Variants in SPATA18 observed in about 807,000 individuals in gnomAD.
The protein encoded by SPATA18 is mitochondria-eating protein.
In SPATA18, 54 loss-of-function variants were observed where a neutral mutation model predicts 68.1. That is an observed-to-expected ratio of 0.79 (90% confidence interval 0.64 to 0.99). The LOEUF is 0.99. SPATA18 is among the 50% of genes least tolerant of loss of function. The probability of loss-of-function intolerance (pLI) is 0.00; values close to 1 mark genes in which losing one functional copy is unlikely to be tolerated. For missense variants in SPATA18, 724 were observed against 681.1 expected (o/e 1.06, Z -0.70); for synonymous variants, 242 against 244.8 (o/e 0.99, Z 0.11).
intron 1 of SPATA18, among the ~76,000 whole-genome samples, chr4:52,053,294 T>C (rs903691634): frequency 2.6e-5 from 4 of 152,240 alleles, no homozygotes; most frequent in Admixed American, 2.6e-4. Context: ...TTCTCTGCTC[T>C]CATTAAAACC....
chr4:52,087,174 G>T (rs1414273753), intron 11 of SPATA18, among the ~76,000 whole-genome samples: 1 of 152,108 alleles, frequency 6.6e-6, no homozygotes, highest in East Asian at 1.9e-4. Flanking sequence ...TTAGCCCTTT[G>T]TCAGATGGAG....
rs1740388548 is a variant in SPATA18 at position 52,076,786 on chromosome 4, A to G, written c.766A>G (p.Arg256Gly). The change falls in exon 7 of 13, where the codon AGG (arginine) becomes GGG (glycine). Residue 256 changes from arginine to glycine, a missense_variant. Coordinates refer to ENST00000295213, the MANE Select transcript of SPATA18 (RefSeq NM_145263.4). Reference protein sequence around the residue: ...EKSALQGRSSRSRSPSPAPRS... With the variant: ...EKSALQGRSSGSRSPSPAPRS... ...ATTCTCGCTCACCAACAGGTCCTCC[A>G]GGAGCCGGTCTCCCAGCCCTGCCCC... The G allele has an allele frequency of 6.2e-7, 1 of 1,613,460 alleles. No individual in the cohort carries two copies.
intron 6 of SPATA18, among the ~76,000 whole-genome samples, chr4:52,074,716 C>T (rs1740171736): frequency 6.6e-6 from 1 of 152,120 alleles, no homozygotes; most frequent in African/African-American, 2.4e-5. Flanking sequence ...ACCATTATAA[C>T]AGGGTGTACA....
At chr4:52,091,903 T>G (rs1426949437) in intron 11 of SPATA18, among the ~76,000 whole-genome samples, 1 of 152,168 alleles carries the variant, frequency 6.6e-6, no homozygotes, top group African/African-American at 2.4e-5. Flanking sequence ...AGAGATGCCC[T>G]GTCCAAAGAG....
intron 11 of SPATA18, among the ~76,000 whole-genome samples, chr4:52,090,728 T>C (rs908844692): frequency 6.6e-6 from 1 of 152,190 alleles, no homozygotes; most frequent in Non-Finnish European, 1.5e-5. Flanking sequence ...ATTTTTTCTT[T>C]CATTTCAACC....
At position 52,082,521 on chromosome 4, in the gene SPATA18, C is replaced by T. The variant is rs762146351; in HGVS notation, c.1479+11C>T. The T allele has an allele frequency of 1.2e-6, 2 of 1,613,964 alleles. No homozygotes were observed. The highest frequency in any genetic ancestry group is 1.1e-5 in the South Asian group (1 of 91,078). ...AGGAGAGGGGCTTTTGTACGGTGGC[C>T]TTGCATAGTGACAATTCATCCCAAG... On this transcript the variant is annotated intron_variant, in intron 10 of 12. Coordinates refer to ENST00000295213, the MANE Select transcript of SPATA18 (RefSeq NM_145263.4).
chr4:52,057,486 G>T (rs960522325), intron 1 of SPATA18, among the ~76,000 whole-genome samples: 2 of 152,178 alleles, frequency 1.3e-5, no homozygotes, highest in African/African-American at 4.8e-5. Context: ...TGTTATTTAA[G>T]ATGTGTTTAA....
At chr4:52,065,553 T>A (rs1369448851) in intron 4 of SPATA18, among the ~76,000 whole-genome samples, 1 of 152,212 alleles carries the variant, frequency 6.6e-6, no homozygotes, top group Non-Finnish European at 1.5e-5. Context: ...AGGGTGTCCT[T>A]TCTCCACTTT....
intron 7 of SPATA18, 131 bp downstream of exon 7, chr4:52,077,171 A>C: frequency 2.1e-6 from 2 of 953,408 alleles, no homozygotes; most frequent in Non-Finnish European, 3.1e-6. Flanking sequence ...CAGTCTCCCC[A>C]TCTGTCTCCT....
In SPATA18 at chr4:52,096,875, G is replaced by A. The variant is rs1272124794; in HGVS notation, c.*1988G>A. 1 of 152,062 alleles carries A rather than the reference G, an allele frequency of 6.6e-6. No homozygotes were observed. Among genetic ancestry groups the A allele is most frequent in the East Asian group, 1.9e-4 (1 of 5,184 alleles). The allele number at this position is 152,062 out of a possible 1,614,324, so 9.4% of individuals were successfully genotyped here. A position where few individuals can be genotyped will look rare whatever the true frequency, so the allele number is the denominator to read the frequency against. On this transcript the variant is annotated 3_prime_UTR_variant, in exon 13 of 13. Transcript: ENST00000295213. ...GTTACTGTGTGTTATACGTTGAAAGGTCTTCACTAATATCTCACTAAGTAA... is the reference window on the plus strand; with the variant it reads ...GTTACTGTGTGTTATACGTTGAAAGATCTTCACTAATATCTCACTAAGTAA...
intron 1 of SPATA18, among the ~76,000 whole-genome samples, chr4:52,059,054 A>G (rs1001748321): frequency 6.6e-6 from 1 of 152,172 alleles, no homozygotes; most frequent in African/African-American, 2.4e-5. Context: ...CCAATACACA[A>G]TGATTCTGAA....
chr4:52,060,234 G>A lies in SPATA18; in HGVS notation c.88-185G>A, dbSNP rs567920967. 2.2e-4 allele frequency among the ~76,000 whole-genome samples: 34 copies of A among 152,316 alleles called. No homozygotes were observed. The South Asian group carries it at 6.4e-3, about 29-fold the overall frequency. On this transcript the variant is annotated intron_variant, in intron 1 of 12. Transcript: ENST00000295213. ...GGCCACACGAACTGCTAGGGAAACT[G>A]TGAAATGTGGTCTAGTTTTGTGTCC...
chr4:52,078,211 T>C (rs1740571844), intron 7 of SPATA18: 1 of 152,200 alleles, frequency 6.6e-6, no homozygotes, highest in Admixed American at 6.5e-5. Context: ...GTTTATATAA[T>C]TAAGAACCAC....
chr4:52,065,048 T>C (rs1739205949), intron 4 of SPATA18, among the ~76,000 whole-genome samples: 1 of 152,368 alleles, frequency 6.6e-6, no homozygotes, highest in East Asian at 1.9e-4. Context: ...TTTTTTCATA[T>C]GTGTATTGGC....
chr4:52,072,124 T>C lies in SPATA18; in HGVS notation c.726T>C (p.Val242=), dbSNP rs747246418. 6 of 1,614,090 alleles carry C rather than the reference T, an allele frequency of 3.7e-6. No homozygotes were observed. The highest frequency in any genetic ancestry group is 4.2e-6 in the Non-Finnish European group (5 of 1,180,034). ...GAAACCTGAAGGAGGAGATAGCTGT[T>C]CTGTCTGCTGAGAAAAGTGCACTCC... ...QLRNLKEEIA[V]LSAEKSALQG... Residue 242 remains valine (V), a synonymous_variant, in exon 6 of 13, where the codon GTT becomes GTC. Transcript: ENST00000295213.
In SPATA18 at chr4:52,093,501, T is replaced by G. The variant is rs965932326; in HGVS notation, c.1564-1026T>G. 5.9e-5 allele frequency among the ~76,000 whole-genome samples: 9 copies of G among 152,316 alleles called. No individual in the cohort carries two copies. In the East Asian group the frequency reaches 1.7e-3, roughly 29 times the overall value. On this transcript the variant is annotated intron_variant, in intron 11 of 12. Coordinates refer to ENST00000295213, the MANE Select transcript of SPATA18 (RefSeq NM_145263.4). ...TCTTAGAGATTTTCATATAGCATCA[T>G]TATCTTTTTTCATGAATAAGTATTT...
intron 10 of SPATA18, chr4:52,083,277 G>T: frequency 1.0e-6 from 1 of 985,310 alleles, no homozygotes; most frequent in Non-Finnish European, 1.2e-6. Flanking sequence ...GCCCACAGCT[G>T]GCTGATCTCT....
chr4:52,058,348 A>G (rs1382275962), intron 1 of SPATA18, among the ~76,000 whole-genome samples: 1 of 152,164 alleles, frequency 6.6e-6, no homozygotes, highest in Non-Finnish European at 1.5e-5. Flanking sequence ...TGGCTGCAGG[A>G]GAAATCAATG....
At chr4:52,081,246 G>A (rs1359736513) in intron 9 of SPATA18, among the ~76,000 whole-genome samples, 1 of 152,206 alleles carries the variant, frequency 6.6e-6, no homozygotes, top group East Asian at 1.9e-4. Flanking sequence ...TAACCAGAGG[G>A]AATGTGCAGC....
Sources: allele counts gnomAD v4.1 joint callset (sites outside exome capture counted in the v4.1 genomes callset), GRCh38; gene constraint gnomAD v4.1.1; transcripts MANE v1.5; gene names NCBI Gene and HGNC (gene_info 2026-07-23, HGNC 2026-07-21).